Variants in ERICH3 observed in about 807,000 individuals in gnomAD.
ERICH3 encodes glutamate rich 3.
Under a neutral mutation model 131.1 loss-of-function variants are expected in ERICH3, and 126 were observed. That is an observed-to-expected ratio of 0.96 (90% CI 0.83 to 1.11). The LOEUF (loss-of-function observed/expected upper bound fraction) is 1.11, where lower values mean the gene tolerates loss of function less well. Ranked by LOEUF, ERICH3 falls within the 50% of genes most tolerant of loss-of-function variation. The pLI, the probability that ERICH3 is intolerant of heterozygous loss-of-function variation, is 0.00. For synonymous variants in ERICH3, 695 were observed against 644.6 expected, an observed-to-expected ratio of 1.08 and a Z score of -1.18; for missense variants, 2,050 against 1,810.7, an observed-to-expected ratio of 1.13 and a Z score of -2.40.
intron 13 of ERICH3, among the ~76,000 whole-genome samples, chr1:74,574,577 A>T (rs1647017703): frequency 6.6e-6 from 1 of 152,198 alleles, no homozygotes; most frequent in African/African-American, 2.4e-5. Flanking sequence ...GCAAGACAGG[A>T]TCACAAAGCA....
chr1:74,610,512 T>G (rs1015297620), intron 9 of ERICH3, among the ~76,000 whole-genome samples: 8 of 150,896 alleles, frequency 5.3e-5, no homozygotes, highest in African/African-American at 1.9e-4. Context: ...ATCATTTAGC[T>G]CCAGAAATTT....
In ERICH3 at chr1:74,606,622, G is replaced by A; in HGVS notation, c.1468C>T (p.Gln490Ter). The change falls in exon 10 of 15, where the codon CAG becomes TAG. Residue 490 changes from glutamine (Q) to a stop codon, truncating the protein, a stop_gained. Transcript: ENST00000326665. LOFTEE classifies it high-confidence loss of function. ...TTACCATATTTTAAAGTATTTTCCT[G>A]GTCGTCTTCCAAGACTTCTTGTCCT... is the stretch of plus-strand genomic sequence containing the variant. ...KPGQEVLEDD[Q>*]ENTLKYEYEE... 2 of 1,607,764 alleles carry A rather than the reference G, an allele frequency of 1.2e-6. No homozygotes were observed. Among genetic ancestry groups the A allele is most frequent in the Non-Finnish European group, 1.7e-6 (2 of 1,177,218 alleles).
intron 8 of ERICH3, among the ~76,000 whole-genome samples, chr1:74,620,454 G>A (rs140698764): frequency 1.4e-3 from 207 of 152,202 alleles, no homozygotes; most frequent in African/African-American, 4.6e-3. Context: ...CAGCTTATTC[G>A]TGCAACATTT....
intron 14 of ERICH3, 72 bp from the exon 15 acceptor site, chr1:74,570,511 G>A (rs1345428207): frequency 6.6e-6 from 1 of 152,264 alleles, no homozygotes; most frequent in African/African-American, 2.4e-5. Context: ...GACTAAGAAT[G>A]TGAGGGCCTA....
At chr1:74,631,676 G>T in intron 7 of ERICH3, 37 bp downstream of exon 7, 1 of 1,522,960 alleles carries the variant, frequency 6.6e-7, no homozygotes, top group Non-Finnish European at 9.1e-7. Flanking sequence ...TGTAATCTGA[G>T]ATAAATTAAT....
chr1:74,584,646 CT>C (rs1647251224), intron 12 of ERICH3, among the ~76,000 whole-genome samples: 1 of 152,168 alleles, frequency 6.6e-6, no homozygotes, highest in Non-Finnish European at 1.5e-5. Flanking sequence ...TCTATTATCC[CT>C]TTACCCTGCT....
intron 7 of ERICH3, chr1:74,624,695 C>T (rs670928): frequency 0.02 from 3,006 of 152,626 alleles, 60 homozygotes; most frequent in African/African-American, 0.055. Context: ...TTTCCTCCCC[C>T]ACTCCCTCTG....
In ERICH3 at chr1:74,664,977, T is replaced by C. The variant is rs184027656; in HGVS notation, c.23+8520A>G. Among the ~76,000 whole-genome samples the C allele has an allele frequency of 5.6e-3, 857 of 152,334 alleles. 11 individuals are homozygous for C. Among genetic ancestry groups the C allele is most frequent in the African/African-American group, 0.02 (813 of 41,570 alleles). ...CTTCAAATCTCCATTCTCCATGTTA[T>C]AGACTTAACGTCTGTATCACCCCAA... On this transcript the variant is annotated intron_variant, in intron 1 of 14. Transcript: ENST00000326665.
At position 74,636,310 on chromosome 1, in the gene ERICH3, C is replaced by T; in HGVS notation, c.573G>A (p.Leu191=). 6.2e-7 allele frequency: 1 copy of T among 1,609,150 alleles called. No individual in the cohort carries two copies. Among genetic ancestry groups the T allele is most frequent in the Non-Finnish European group, 8.5e-7 (1 of 1,177,266 alleles). Residue 191 remains leucine (L), a synonymous_variant, in exon 6 of 15, where the codon TTG becomes TTA. Coordinates refer to ENST00000326665, the MANE Select transcript of ERICH3 (RefSeq NM_001002912.5). ...VTSRSRSKTS[L]LENEALFPIG... is the part of the protein sequence containing the mutation. ...TGGGAAACAGAGCTTCATTTTCCAG[C>T]AATGAGGTTTTTGATCTGGACCTTG...
chr1:74,665,386 C>T (rs1646681685), intron 1 of ERICH3, among the ~76,000 whole-genome samples: 1 of 152,052 alleles, frequency 6.6e-6, no homozygotes, highest in Non-Finnish European at 1.5e-5. Context: ...CCCCCATGAC[C>T]CCCATATGTT....
At chr1:74,610,785 A>C (rs999529627) in intron 9 of ERICH3, among the ~76,000 whole-genome samples, 1 of 151,930 alleles carries the variant, frequency 6.6e-6, no homozygotes, top group Non-Finnish European at 1.5e-5. Context: ...CAACTGCTGC[A>C]CTATAACTCG....
At chr1:74,674,033 T>C (rs1456170295), upstream of ERICH3, among the ~76,000 whole-genome samples, 2 of 152,150 alleles carry the variant, frequency 1.3e-5, no homozygotes, top group East Asian at 3.8e-4. Context: ...CTGAGGGTAA[T>C]AAGAGCAGGG....
Position 74,572,106 on chromosome 1 carries a change from T to C in ERICH3, c.3604A>G (p.Arg1202Gly). The C allele has an allele frequency of 6.2e-7, 1 of 1,614,230 alleles. No homozygotes were observed. Among genetic ancestry groups the C allele is most frequent in the Non-Finnish European group, 8.5e-7 (1 of 1,180,032 alleles). ...DREELSSREN[R>G]ALKEGHRQDG... is the part of the protein sequence containing the mutation. ...TGGCGGTGCCCTTCCTTCAGGGCCCTATTCTCCCTGCTGGACAGCTCTTCT... is the reference window on the plus strand; with the variant it reads ...TGGCGGTGCCCTTCCTTCAGGGCCCCATTCTCCCTGCTGGACAGCTCTTCT... The change falls in exon 14 of 15, where the codon AGG becomes GGG. Residue 1202 changes from arginine (R) to glycine (G), a missense_variant. Physicochemically the swap from Arg to Gly is moderately radical, Grantham distance 125. Transcript: ENST00000326665.
At chr1:74,574,502 A>T (rs1647016717) in intron 13 of ERICH3, among the ~76,000 whole-genome samples, 1 of 152,220 alleles carries the variant, frequency 6.6e-6, no homozygotes, top group Non-Finnish European at 1.5e-5. Context: ...ACCTTGAGCT[A>T]CAAAGCTACA....
intron 1 of ERICH3, among the ~76,000 whole-genome samples, chr1:74,658,540 A>G (rs1646607018): frequency 7.0e-6 from 1 of 142,534 alleles, no homozygotes; most frequent in African/African-American, 3.1e-5. Flanking sequence ...GTGCATTTGG[A>G]AAAAAAAATG....
intron 5 of ERICH3, 97 bp from the exon 6 acceptor site, chr1:74,636,535 G>C: frequency 8.2e-7 from 1 of 1,221,808 alleles, no homozygotes; most frequent in Non-Finnish European, 1.1e-6. Context: ...GTAATTAATG[G>C]TGCCTTTTTA....
chr1:74,571,842 C>G lies in ERICH3; in HGVS notation c.3868G>C (p.Val1290Leu). The G allele has an allele frequency of 6.2e-7, 1 of 1,612,440 alleles. No individual in the cohort carries two copies. The stretch of plus-strand genomic sequence containing the variant: ...TCTTCCTCCTCTGGGTCCTCATCCA[C>G]CGCTTCCTCCCTGAACTTTTCTGCC... ...IMAEKFREEAVDEDPEEEEDK... is the reference protein window; with the variant it reads ...IMAEKFREEALDEDPEEEEDK... The change falls in exon 14 of 15, where the codon GTG becomes CTG. Residue 1290 changes from valine to leucine, a missense_variant. Transcript: ENST00000326665.
At chr1:74,587,225 T>TA (rs1404244088) in intron 12 of ERICH3, among the ~76,000 whole-genome samples, 1 of 146,968 alleles carries the variant, frequency 6.8e-6, no homozygotes, top group Non-Finnish European at 1.5e-5. Context: ...CTCGGGAGGT[T>TA]AAGGCAGGAG....
intron 1 of ERICH3, among the ~76,000 whole-genome samples, chr1:74,658,092 GTT>G (rs1171163306): frequency 2.0e-5 from 3 of 152,098 alleles, no homozygotes; most frequent in Admixed American, 2.0e-4. Context: ...TCAAAGATGA[GTT>G]AACAGATGTA....
Sources: gnomAD v4.1 joint callset for allele counts (sites outside exome capture counted in the v4.1 genomes callset) on GRCh38, gnomAD v4.1.1 for gene constraint, MANE v1.5 for transcripts, NCBI Gene and HGNC (gene_info 2026-07-23, HGNC 2026-07-21) for gene names.